Variants in RARB observed in about 807,000 individuals in gnomAD.
The protein encoded by RARB is HBV-activated protein.
In RARB, 17 loss-of-function variants were observed where a neutral mutation model predicts 51.9. The ratio of observed to expected loss-of-function variants is 0.33; its 90% CI spans 0.22 to 0.49. RARB has a LOEUF of 0.49. Ranked by LOEUF, RARB falls within the 20% of genes least tolerant of loss-of-function variation. The pLI, the probability that RARB is intolerant of heterozygous loss-of-function variation, is 0.99. For missense variants in RARB, 369 were observed against 550.8 expected, an observed-to-expected ratio of 0.67 and a Z score of 3.30; for synonymous variants, 215 against 195.4, an observed-to-expected ratio of 1.10 and a Z score of -0.84.
chr3:24,995,205 C>T (rs551992217), intron 2 of RARB, among the ~76,000 whole-genome samples: 1 of 146,068 alleles, frequency 6.8e-6, no homozygotes, highest in African/African-American at 2.5e-5. Context: ...GGTCCTTCAC[C>T]TCCTTGGTTA....
chr3:24,915,010 G>T (rs1214548515), intron 2 of RARB, among the ~76,000 whole-genome samples: 1 of 152,152 alleles, frequency 6.6e-6, no homozygotes, highest in Admixed American at 6.5e-5. Context: ...GATTGATATT[G>T]TTTGTCTTTG....
chr3:25,511,557 C>T (rs772735257), intron 3 of RARB, among the ~76,000 whole-genome samples: 1 of 152,146 alleles, frequency 6.6e-6, no homozygotes, highest in African/African-American at 2.4e-5. Flanking sequence ...AGACAGAAAT[C>T]GTTAAGTGTG....
At chr3:25,398,655 G>A (rs1707181972) in intron 5 of RARB, among the ~76,000 whole-genome samples, 1 of 152,144 alleles carries the variant, frequency 6.6e-6, no homozygotes, top group African/African-American at 2.4e-5. Flanking sequence ...CCCTATATGG[G>A]AAGTAGATTG....
chr3:25,205,512 T>C (rs966137270), intron 5 of RARB, among the ~76,000 whole-genome samples: 4 of 152,132 alleles, frequency 2.6e-5, no homozygotes, highest in African/African-American at 9.7e-5. Flanking sequence ...GTCTTCTGCG[T>C]TGCTCACTCT....
chr3:25,564,572 T>C (rs1700408843), intron 3 of RARB, among the ~76,000 whole-genome samples: 1 of 152,200 alleles, frequency 6.6e-6, no homozygotes, highest in Non-Finnish European at 1.5e-5. Context: ...TTGCCACATA[T>C]AGGCCCTGAC....
chr3:25,418,044 C>T (rs150116902), intron 5 of RARB, among the ~76,000 whole-genome samples: 2 of 152,084 alleles, frequency 1.3e-5, no homozygotes, highest in Non-Finnish European at 2.9e-5. Context: ...GGCAAGATAG[C>T]AAGTGGAAGG....
At chr3:25,578,139 G>T (rs1529876) in intron 4 of RARB, among the ~76,000 whole-genome samples, 1 of 152,140 alleles carries the variant, frequency 6.6e-6, no homozygotes, top group African/African-American at 2.4e-5. Flanking sequence ...TCCACGCTTC[G>T]CTGGTGCTCC....
At chr3:25,069,871 A>G (rs993881371) in intron 3 of RARB, among the ~76,000 whole-genome samples, 7 of 152,180 alleles carry the variant, frequency 4.6e-5, no homozygotes, top group Non-Finnish European at 8.8e-5. Flanking sequence ...ATCTGACCCA[A>G]TTACTCATAT....
chr3:25,098,073 AAT>A (rs112123527), intron 3 of RARB, among the ~76,000 whole-genome samples: 228 of 152,308 alleles, frequency 1.5e-3, no homozygotes, highest in African/African-American at 5.2e-3. Context: ...CATGCAGAAA[AAT>A]ATACACACAC....
At chr3:24,978,057 T>C (rs1305250728) in intron 2 of RARB, among the ~76,000 whole-genome samples, 1 of 152,206 alleles carries the variant, frequency 6.6e-6, no homozygotes, top group Non-Finnish European at 1.5e-5. Flanking sequence ...TTACATTTAT[T>C]GATTTGCGTA....
chr3:25,250,750 C>T (rs1601163), intron 5 of RARB, among the ~76,000 whole-genome samples: 61,802 of 151,528 alleles, frequency 0.41, 13,789 homozygotes, highest in African/African-American at 0.6. Flanking sequence ...TAGGACTTGG[C>T]GGCTGTATGG....
At chr3:25,130,947 T>TGA (rs1559477575) in intron 3 of RARB, among the ~76,000 whole-genome samples, 9 of 42,992 alleles carry the variant, frequency 2.1e-4, no homozygotes, top group African/African-American at 6.9e-4. Context: ...ATATCAATAT[T>TGA]TATTATTGAT....
chr3:25,422,776 T>C (rs981502389), intron 5 of RARB, among the ~76,000 whole-genome samples: 6 of 152,026 alleles, frequency 3.9e-5, no homozygotes, highest in Non-Finnish European at 1.5e-5. Context: ...AATTAAGCTT[T>C]TAAAAGGGAA....
intron 2 of RARB, among the ~76,000 whole-genome samples, chr3:24,911,941 T>C (rs765578794): frequency 6.6e-6 from 1 of 152,212 alleles, no homozygotes; most frequent in Non-Finnish European, 1.5e-5. Flanking sequence ...GAATGAATCT[T>C]AATGTTGGTG....
upstream of RARB, among the ~76,000 whole-genome samples, chr3:25,425,193 C>T (rs545056152): frequency 5.8e-4 from 88 of 152,252 alleles, no homozygotes; most frequent in African/African-American, 2.1e-3. Flanking sequence ...AAATGGGTGT[C>T]AGTAGTTTAC....
At chr3:24,962,015 C>T (rs535580266) in intron 2 of RARB, among the ~76,000 whole-genome samples, 11 of 146,890 alleles carry the variant, frequency 7.5e-5, no homozygotes, top group Admixed American at 2.1e-4. Context: ...CTGCAAGCTC[C>T]GCCTCCCAGG....
At chr3:24,964,192 A>T (rs1415630934) in intron 2 of RARB, among the ~76,000 whole-genome samples, 1 of 152,106 alleles carries the variant, frequency 6.6e-6, no homozygotes, top group Admixed American at 6.6e-5. Flanking sequence ...ATAAAAAGTA[A>T]GGTTAGCACT....
At chr3:25,152,822 T>C (rs1559484585) in intron 4 of RARB, among the ~76,000 whole-genome samples, 1 of 152,222 alleles carries the variant, frequency 6.6e-6, no homozygotes, top group Non-Finnish European at 1.5e-5. Context: ...AGTAATGCTT[T>C]GACCTATGTG....
intron 4 of RARB, 37 bp from the exon 5 acceptor site, chr3:25,580,509 G>A (rs770379988): frequency 8.6e-6 from 13 of 1,511,204 alleles, no homozygotes; most frequent in South Asian, 3.8e-5. Flanking sequence ...AGAGCTTCCC[G>A]GAAACTGTAT....
Sources: allele counts gnomAD v4.1 joint callset (sites outside exome capture counted in the v4.1 genomes callset), GRCh38; gene constraint gnomAD v4.1.1; transcripts MANE v1.5; gene names NCBI Gene and HGNC (gene_info 2026-07-23, HGNC 2026-07-21).